CCSER1: variants seen among roughly 807,000 people sequenced by gnomAD.
The protein encoded by CCSER1 is coiled-coil serine rich protein 1, also known as serine-rich coiled-coil domain-containing protein 1.
Under a neutral mutation model 82.0 loss-of-function variants are expected in CCSER1, and 41 were observed. The ratio of observed to expected loss-of-function variants is 0.50; its 90% CI spans 0.39 to 0.65. The LOEUF is 0.65. CCSER1 is among the 30% of genes least tolerant of loss of function. The pLI, the probability that CCSER1 is intolerant of heterozygous loss-of-function variation, is 0.00. For missense variants in CCSER1, 1,119 were observed against 1,064.2 expected, an observed-to-expected ratio of 1.05 and a Z score of -0.72; for synonymous variants, 414 against 383.9, an observed-to-expected ratio of 1.08 and a Z score of -0.92.
intron 1 of CCSER1, among the ~76,000 whole-genome samples, chr4:90,183,414 G>T (rs1734045859): frequency 6.6e-6 from 1 of 152,088 alleles, no homozygotes; most frequent in Non-Finnish European, 1.5e-5. Context: ...AAAAGGAGAA[G>T]GGTGGGGAGG....
At chr4:90,180,901 C>T (rs565798118) in intron 1 of CCSER1, among the ~76,000 whole-genome samples, 5 of 152,164 alleles carry the variant, frequency 3.3e-5, no homozygotes, top group South Asian at 4.1e-4. Context: ...CTAGACTATA[C>T]GAGTTTGAAT....
At chr4:90,407,614 A>T (rs139287747) in intron 4 of CCSER1, among the ~76,000 whole-genome samples, 1 of 152,212 alleles carries the variant, frequency 6.6e-6, no homozygotes, top group East Asian at 1.9e-4. Flanking sequence ...AAATACTAGC[A>T]AACTAAATCC....
At chr4:91,508,989 T>C (rs1759680898) in intron 10 of CCSER1, among the ~76,000 whole-genome samples, 1 of 150,936 alleles carries the variant, frequency 6.6e-6, no homozygotes, top group Non-Finnish European at 1.5e-5. Context: ...GTTCTCTCTT[T>C]CTAGTCATTC....
chr4:90,414,049 GAAATA>G (rs778402727), intron 4 of CCSER1, among the ~76,000 whole-genome samples: 6 of 112,526 alleles, frequency 5.3e-5, no homozygotes, highest in Non-Finnish European at 1.1e-4. Context: ...AATAATGATA[GAAATA>G]AAATATGTTT....
intron 7 of CCSER1, among the ~76,000 whole-genome samples, chr4:90,791,436 CCAT>C (rs751548107): frequency 5.3e-5 from 8 of 152,202 alleles, no homozygotes; most frequent in South Asian, 2.1e-4. Flanking sequence ...CCTTCAATAA[CCAT>C]CACCCTGATC....
intron 10 of CCSER1, among the ~76,000 whole-genome samples, chr4:91,595,519 G>T (rs1764523515): frequency 6.6e-6 from 1 of 152,086 alleles, no homozygotes; most frequent in African/African-American, 2.4e-5. Flanking sequence ...TATTGTTACT[G>T]TGATGATGAT....
intron 1 of CCSER1, among the ~76,000 whole-genome samples, chr4:90,301,540 C>A (rs1373243666): frequency 6.6e-6 from 1 of 152,054 alleles, no homozygotes; most frequent in African/African-American, 2.4e-5. Context: ...TTAATCTTAT[C>A]TTTTGTTTAT....
At chr4:91,074,621 G>A (rs180975698) in intron 9 of CCSER1, among the ~76,000 whole-genome samples, 1 of 152,252 alleles carries the variant, frequency 6.6e-6, no homozygotes, top group African/African-American at 2.4e-5. Flanking sequence ...TAGGGACCCC[G>A]TGGCCAGAGT....
At chr4:90,795,946 C>G (rs1755946569) in intron 7 of CCSER1, among the ~76,000 whole-genome samples, 1 of 151,948 alleles carries the variant, frequency 6.6e-6, no homozygotes, top group Non-Finnish European at 1.5e-5. Flanking sequence ...AAATATTGGC[C>G]TGAAGTTTTT....
At chr4:90,274,898 TTGC>T (rs780426895) in intron 1 of CCSER1, among the ~76,000 whole-genome samples, 2 of 152,160 alleles carry the variant, frequency 1.3e-5, no homozygotes, top group South Asian at 4.1e-4. Flanking sequence ...TTACACTGTC[TTGC>T]TGTAAGATAA....
intron 7 of CCSER1, among the ~76,000 whole-genome samples, chr4:90,768,395 C>T (rs1028700456): frequency 6.6e-6 from 1 of 152,188 alleles, no homozygotes; most frequent in Non-Finnish European, 1.5e-5. Context: ...TTCTGACCCA[C>T]AGAAACTGTG....
intron 6 of CCSER1, among the ~76,000 whole-genome samples, chr4:90,696,522 A>G (rs1339114120): frequency 6.6e-6 from 1 of 152,170 alleles, no homozygotes; most frequent in African/African-American, 2.4e-5. Flanking sequence ...ATTCAACTGT[A>G]TGACACGTCC....
intron 6 of CCSER1, among the ~76,000 whole-genome samples, chr4:90,687,096 G>A (rs1467841554): frequency 2.0e-5 from 3 of 152,104 alleles, no homozygotes; most frequent in Non-Finnish European, 2.9e-5. Flanking sequence ...TATTTACAAT[G>A]ACTAGAAGAA....
At chr4:91,494,476 G>C (rs1178604430) in intron 10 of CCSER1, among the ~76,000 whole-genome samples, 1 of 151,552 alleles carries the variant, frequency 6.6e-6, no homozygotes, top group African/African-American at 2.4e-5. Flanking sequence ...AATATTATCT[G>C]TTCTATATTT....
At chr4:90,152,344 T>A (rs920652177) in intron 1 of CCSER1, among the ~76,000 whole-genome samples, 8 of 152,080 alleles carry the variant, frequency 5.3e-5, no homozygotes, top group Non-Finnish European at 8.8e-5. Context: ...AGGTTAAAAA[T>A]TTGCCCTTAA....
intron 10 of CCSER1, among the ~76,000 whole-genome samples, chr4:91,280,524 G>C (rs1365652184): frequency 1.3e-5 from 2 of 152,198 alleles, no homozygotes; most frequent in Non-Finnish European, 2.9e-5. Flanking sequence ...GGTGCTGAGA[G>C]AGGTGGATAG....
chr4:90,168,668 G>A (rs1434084349), intron 1 of CCSER1, among the ~76,000 whole-genome samples: 4 of 152,058 alleles, frequency 2.6e-5, no homozygotes, highest in African/African-American at 4.8e-5. Flanking sequence ...TGTAAGGAAG[G>A]CATCCAGTTT....
chr4:90,965,701 A>AATCTG (rs1734497661), intron 9 of CCSER1, among the ~76,000 whole-genome samples: 1 of 152,272 alleles, frequency 6.6e-6, no homozygotes, highest in Admixed American at 6.5e-5. Flanking sequence ...GAAAGAGAAG[A>AATCTG]ATCTGATTTT....
At chr4:91,590,964 CT>C (rs1399155202) in intron 10 of CCSER1, among the ~76,000 whole-genome samples, 3 of 152,004 alleles carry the variant, frequency 2.0e-5, no homozygotes, top group African/African-American at 4.8e-5. Context: ...TCATTTTTAT[CT>C]GTTTAATTTA....
Sources: gnomAD v4.1 joint callset for allele counts (sites outside exome capture counted in the v4.1 genomes callset) on GRCh38, gnomAD v4.1.1 for gene constraint, MANE v1.5 for transcripts, NCBI Gene and HGNC (gene_info 2026-07-23, HGNC 2026-07-21) for gene names.